The following USP32 variants were observed in gnomAD, a reference collection of about 807,000 sequenced individuals.
The protein encoded by USP32 is ubiquitin carboxyl-terminal hydrolase 32.
Under a neutral mutation model 204.8 loss-of-function variants are expected in USP32, and 59 were observed. The ratio of observed to expected loss-of-function variants is 0.29; its 90% CI spans 0.23 to 0.36. USP32 has a LOEUF of 0.36. USP32 is among the 10% of genes least tolerant of loss of function. The pLI is 1.00. For synonymous variants in USP32, 517 were observed against 678.4 expected (o/e 0.76, Z 3.70); for missense variants, 1,160 against 1,946.4 (o/e 0.60, Z 7.60).
intron 22 of USP32, 49 bp downstream of exon 22, chr17:60,209,321 C>G (rs1387980546): frequency 9.8e-7 from 1 of 1,021,838 alleles, no homozygotes; most frequent in East Asian, 2.8e-5. Flanking sequence ...GTATTTGTGG[C>G]CAGAACATTT....
At chr17:60,345,431 G>A (rs766834576) in intron 2 of USP32, 50 bp downstream of exon 2, 1 of 1,603,202 alleles carries the variant, frequency 6.2e-7, no homozygotes, top group Admixed American at 1.7e-5. Context: ...AATTTAGGCT[G>A]GTGGAGGTGG....
chr17:60,215,320 G>A (rs935278052), intron 16 of USP32, among the ~76,000 whole-genome samples: 2 of 152,084 alleles, frequency 1.3e-5, no homozygotes, highest in African/African-American at 4.8e-5. Context: ...GAAAAGATGA[G>A]CAAAGGCCCA....
chr17:60,342,337 T>C (rs1302294438), intron 2 of USP32, among the ~76,000 whole-genome samples: 2 of 152,170 alleles, frequency 1.3e-5, no homozygotes, highest in Non-Finnish European at 2.9e-5. Context: ...GAGGTGTCTG[T>C]AGGCCCCTAC....
rs187826600 is a variant in USP32 at position 60,252,802 on chromosome 17, A to G, written c.1075-360T>C. Among the ~76,000 whole-genome samples the G allele has an allele frequency of 2.0e-5, 3 of 152,336 alleles. No homozygotes were observed. In the East Asian group the frequency reaches 5.8e-4, roughly 29 times the overall value. ...TAACCAAAACACTCAGCCATGTGTGAGATCTTGGCAAATAAAAGCATAATT... is the reference window on the plus strand; with the variant it reads ...TAACCAAAACACTCAGCCATGTGTGGGATCTTGGCAAATAAAAGCATAATT... On this transcript the variant is annotated intron_variant, in intron 10 of 33. Coordinates refer to ENST00000300896, the MANE Select transcript of USP32 (RefSeq NM_032582.4).
chr17:60,345,877 G>A (rs1567864693), intron 1 of USP32, among the ~76,000 whole-genome samples: 1 of 152,072 alleles, frequency 6.6e-6, no homozygotes, highest in Non-Finnish European at 1.5e-5. Context: ...AGCTACTTGG[G>A]AGGCTGAGAC....
intron 1 of USP32, among the ~76,000 whole-genome samples, chr17:60,409,490 A>T (rs1480406154): frequency 3.3e-5 from 5 of 152,362 alleles, no homozygotes; most frequent in East Asian, 3.9e-4. Context: ...AAGCAATCAG[A>T]GGGAAAAAAA....
rs1316741018 is a variant in USP32 at position 60,411,543 on chromosome 17, T to C, written c.106+10703A>G. ...TTTAAATTTAATTTTAATTTGTATT[T>C]ATTTATTTGTTTTAGAGAGAGAGGT... is the stretch of plus-strand genomic sequence containing the variant. On this transcript the variant is annotated intron_variant, in intron 1 of 3. Transcript: ENST00000588898. Among the ~76,000 whole-genome samples the C allele has an allele frequency of 3.3e-5, 5 of 151,056 alleles. No individual in the cohort carries two copies. The East Asian group carries it at 9.7e-4, about 29-fold the overall frequency.
Position 60,345,711 on chromosome 17 carries a change from G to A in USP32, c.59-103C>T. ...CTAAGAAAAATTGAGGCTAGGCACA[G>A]TGGCTCACGCCTATAATCCCAGTAC... On this transcript the variant is annotated intron_variant, in intron 1 of 33. Coordinates refer to ENST00000300896, the MANE Select transcript of USP32 (RefSeq NM_032582.4). The A allele has an allele frequency of 2.1e-6, 3 of 1,456,960 alleles. No individual in the cohort carries two copies. The South Asian group carries it at 3.5e-5, about 17-fold the overall frequency. The allele number at this position is 1,456,960 out of a possible 1,614,324, so 90.3% of individuals were successfully genotyped here.
At chr17:60,406,479 C>A (rs980683132) in intron 1 of USP32, among the ~76,000 whole-genome samples, 4 of 151,346 alleles carry the variant, frequency 2.6e-5, no homozygotes, top group African/African-American at 9.7e-5. Context: ...GCACCTGGCC[C>A]ATTATTCTGA....
intron 12 of USP32, among the ~76,000 whole-genome samples, chr17:60,229,856 C>T (rs2085498476): frequency 6.6e-6 from 1 of 151,910 alleles, no homozygotes; most frequent in Admixed American, 6.6e-5. Context: ...CTTTGTTGCC[C>T]AGGCTGGAGT....
chr17:60,252,310 GCTGTTCCTC>G, intron 11 of USP32, 62 bp downstream of exon 11: 3 of 1,161,354 alleles, frequency 2.6e-6, no homozygotes, highest in Non-Finnish European at 3.8e-6. Context: ...AATAGGACAT[GCTGTTCCTC>G]AGTAACCAAT....
chr17:60,232,995 T>C (rs1339904431), intron 12 of USP32, among the ~76,000 whole-genome samples: 1 of 152,200 alleles, frequency 6.6e-6, no homozygotes, highest in East Asian at 1.9e-4. Context: ...CCTACTTAAA[T>C]AGATATTACT....
At chr17:60,330,985 A>G (rs1384399348) in intron 2 of USP32, among the ~76,000 whole-genome samples, 1 of 152,194 alleles carries the variant, frequency 6.6e-6, no homozygotes, top group Non-Finnish European at 1.5e-5. Context: ...CACTCAAGCT[A>G]GTCATATACC....
At chr17:60,299,130 T>C (rs1448818952) in intron 3 of USP32, among the ~76,000 whole-genome samples, 1 of 152,132 alleles carries the variant, frequency 6.6e-6, no homozygotes, top group African/African-American at 2.4e-5. Flanking sequence ...AGTAAGGCTC[T>C]CTCCTCTGTC....
chr17:60,349,599 AT>A (rs1567867156), intron 1 of USP32, among the ~76,000 whole-genome samples: 579 of 42,756 alleles, frequency 0.014, 15 homozygotes, highest in Admixed American at 0.029. Flanking sequence ...AAAAAAAAAT[AT>A]ATATATATAT....
intron 13 of USP32, among the ~76,000 whole-genome samples, chr17:60,225,326 G>A (rs1172542657): frequency 3.3e-5 from 5 of 151,724 alleles, no homozygotes; most frequent in African/African-American, 4.8e-5. Flanking sequence ...GCATGGTGGC[G>A]CGTGCCTGTA....
Position 60,178,764 on chromosome 17 carries a change from C to T in USP32, c.*491G>A, listed in dbSNP as rs2084028437. ...GTCCATGCCTTAAGAATCATTTGCA[C>T]ACCTTCGTGATCTTGCTTTCTCCAT... On this transcript the variant is annotated 3_prime_UTR_variant, in exon 34 of 34. Coordinates refer to ENST00000300896, the MANE Select transcript of USP32 (RefSeq NM_032582.4). Among the ~76,000 whole-genome samples the T allele has an allele frequency of 6.6e-6, 1 of 152,236 alleles. No individual in the cohort carries two copies. The highest frequency in any genetic ancestry group is 2.4e-5 in the African/African-American group (1 of 41,462).
intron 2 of USP32, among the ~76,000 whole-genome samples, chr17:60,335,980 G>A (rs571940164): frequency 7.0e-6 from 1 of 142,856 alleles, no homozygotes; most frequent in South Asian, 2.1e-4. Context: ...CACTTGGATA[G>A]GATCCCAACT....
At chr17:60,396,225 G>A (rs996571661), upstream of USP32, among the ~76,000 whole-genome samples, 5 of 151,868 alleles carry the variant, frequency 3.3e-5, no homozygotes, top group African/African-American at 9.7e-5. Context: ...CTACAGGCAT[G>A]CGCCACCACA....
Sources: allele counts gnomAD v4.1 joint callset (sites outside exome capture counted in the v4.1 genomes callset), GRCh38; gene constraint gnomAD v4.1.1; transcripts MANE v1.5; gene names NCBI Gene and HGNC (gene_info 2026-07-23, HGNC 2026-07-21).